Variants in NRXN1 observed in about 807,000 individuals in gnomAD.
The protein encoded by NRXN1 is neurexin-1.
Under a neutral mutation model 150.9 loss-of-function variants are expected in NRXN1, and 39 were observed. The ratio of observed to expected loss-of-function variants is 0.26; its 90% CI spans 0.20 to 0.34. The LOEUF (loss-of-function observed/expected upper bound fraction) is 0.34, where lower values mean the gene tolerates loss of function less well. Among genes scored for constraint, NRXN1 ranks in the 10% least tolerant of loss-of-function variants. The probability of loss-of-function intolerance (pLI) is 1.00; values close to 1 mark genes in which losing one functional copy is unlikely to be tolerated. For synonymous variants in NRXN1, 924 were observed against 757.0 expected, an observed-to-expected ratio of 1.22 and a Z score of -3.62; for missense variants, 1,815 against 1,949.9, an observed-to-expected ratio of 0.93 and a Z score of 1.30.
chr2:50,443,217 G>T (rs139131135), intron 17 of NRXN1, among the ~76,000 whole-genome samples: 6 of 152,244 alleles, frequency 3.9e-5, no homozygotes, highest in Admixed American at 1.3e-4. Flanking sequence ...CAATTCAAGG[G>T]GGGGAGAGAA....
intron 8 of NRXN1, among the ~76,000 whole-genome samples, chr2:50,560,459 T>TATGTATTTATTTATTG: frequency 6.7e-6 from 1 of 150,188 alleles, no homozygotes; most frequent in East Asian, 2.0e-4. Context: ...TTTATTTACT[T>TATGTATTTATTTATTG]AGAAGCCGTC....
intron 22 of NRXN1, among the ~76,000 whole-genome samples, chr2:49,932,669 T>C (rs2104219834): frequency 6.6e-6 from 1 of 152,304 alleles, no homozygotes; most frequent in Non-Finnish European, 1.5e-5. Flanking sequence ...TTAACATTAC[T>C]CAATTGTCAA....
intron 5 of NRXN1, among the ~76,000 whole-genome samples, chr2:50,904,430 T>C (rs760468498): frequency 3.9e-5 from 6 of 152,222 alleles, no homozygotes; most frequent in African/African-American, 1.4e-4. Context: ...AAGTTCATAT[T>C]TGGGAACATA....
At chr2:50,929,154 A>G (rs1458782033) in intron 2 of NRXN1, among the ~76,000 whole-genome samples, 1 of 152,046 alleles carries the variant, frequency 6.6e-6, no homozygotes, top group Non-Finnish European at 1.5e-5. Flanking sequence ...CCCCCAGCTT[A>G]TAAGAATGCA....
At chr2:50,899,180 T>A (rs1682515332) in intron 5 of NRXN1, among the ~76,000 whole-genome samples, 1 of 152,152 alleles carries the variant, frequency 6.6e-6, no homozygotes, top group Non-Finnish European at 1.5e-5. Flanking sequence ...TTCACTTACT[T>A]CCAAGCTCAC....
chr2:50,905,270 T>A (rs1683508608), intron 5 of NRXN1, among the ~76,000 whole-genome samples: 2 of 152,192 alleles, frequency 1.3e-5, no homozygotes, highest in Admixed American at 1.3e-4. Flanking sequence ...GCAGCATCCA[T>A]CCCCAACCCT....
chr2:50,262,443 G>A (rs1451829125), intron 17 of NRXN1, among the ~76,000 whole-genome samples: 1 of 151,854 alleles, frequency 6.6e-6, no homozygotes, highest in Non-Finnish European at 1.5e-5. Context: ...ACCTAGTTAT[G>A]TAATTACTGA....
intron 5 of NRXN1, among the ~76,000 whole-genome samples, chr2:50,863,992 G>A (rs1676513335): frequency 6.6e-6 from 1 of 152,012 alleles, no homozygotes; most frequent in African/African-American, 2.4e-5. Context: ...GCTGGGTGTA[G>A]AGGACACCTG....
intron 17 of NRXN1, among the ~76,000 whole-genome samples, chr2:50,403,504 T>C (rs892906992): frequency 1.3e-5 from 2 of 152,136 alleles, no homozygotes; most frequent in Admixed American, 1.3e-4. Flanking sequence ...AATACATCAG[T>C]TGTTATCTAG....
intron 15 of NRXN1, among the ~76,000 whole-genome samples, chr2:50,474,123 G>T (rs2089765448): frequency 6.6e-6 from 1 of 151,846 alleles, no homozygotes; most frequent in Non-Finnish European, 1.5e-5. Context: ...TGGTCAGAGA[G>T]GGGATACTAT....
rs201316026 is a variant in NRXN1, at chr2:50,347,238, C to T, written c.3365-110268G>A. The T allele has an allele frequency of 2.3e-6, 3 of 1,328,134 alleles. No homozygotes were observed. The highest frequency in any genetic ancestry group is 2.0e-4 in the Middle Eastern group (1 of 4,896). The allele number at this position is 1,328,134 out of a possible 1,614,324, so 82.3% of individuals were successfully genotyped here. On this transcript the variant is annotated intron_variant, in intron 17 of 22. Coordinates refer to ENST00000401669, the MANE Select transcript of NRXN1 (RefSeq NM_001330078.2). The surrounding 1 kb of genome is among the most constrained non-coding windows in gnomAD (Gnocchi z 4.9). ...AGCAAGCGCGGAGCGGGTGGCTGCT[C>T]CCAGATTTCCAGGGCTCCAGGTTCT...
chr2:50,288,452 G>A (rs577130931), intron 17 of NRXN1, among the ~76,000 whole-genome samples: 25 of 152,228 alleles, frequency 1.6e-4, no homozygotes, highest in African/African-American at 4.8e-4. Context: ...CTTAAAGGGA[G>A]ATAAAAATGA....
chr2:50,083,574 C>A (rs776277493), intron 19 of NRXN1, among the ~76,000 whole-genome samples: 1 of 152,146 alleles, frequency 6.6e-6, no homozygotes, highest in Admixed American at 6.5e-5. Context: ...AAGAACAAGG[C>A]TTCCACAACA....
intron 17 of NRXN1, among the ~76,000 whole-genome samples, chr2:50,340,964 G>C (rs1375002046): frequency 1.3e-5 from 2 of 152,130 alleles, no homozygotes; most frequent in South Asian, 4.1e-4. Flanking sequence ...TCTTCTCAAA[G>C]ACCAAGCCTC....
intron 18 of NRXN1, among the ~76,000 whole-genome samples, chr2:50,234,360 G>A (rs983316311): frequency 6.6e-6 from 1 of 152,028 alleles, no homozygotes; most frequent in Non-Finnish European, 1.5e-5. Flanking sequence ...TGGGCGTGGT[G>A]GTGGGCACCT....
chr2:50,347,044 G>A lies in NRXN1; in HGVS notation c.3365-110074C>T, dbSNP rs1172569277. On this transcript the variant is annotated intron_variant, in intron 17 of 22. Coordinates refer to ENST00000401669, the MANE Select transcript of NRXN1 (RefSeq NM_001330078.2). The surrounding 1 kb of genome is among the most constrained non-coding windows in gnomAD (Gnocchi z 4.9). ...CAGGGGAGCGGGCGGCGCGGAGTGG[G>A]CTGAGGGGCCGGCCGCCTCACCGCG... 2 of 1,380,370 alleles carry A rather than the reference G, an allele frequency of 1.4e-6. No individual in the cohort carries two copies. The highest frequency in any genetic ancestry group is 2.2e-5 in the Admixed American group (1 of 44,502). 85.5% of individuals were successfully genotyped at this position (1,380,370 alleles called of 1,614,324 possible).
chr2:50,580,593 G>A (rs982976211), intron 8 of NRXN1, among the ~76,000 whole-genome samples: 1 of 152,170 alleles, frequency 6.6e-6, no homozygotes, highest in African/African-American at 2.4e-5. Flanking sequence ...AGAGAGCTAC[G>A]TATGAACAAG....
intron 2 of NRXN1, among the ~76,000 whole-genome samples, chr2:50,993,427 TTTTTC>T (rs1340992501): frequency 1.3e-5 from 2 of 151,914 alleles, no homozygotes; most frequent in African/African-American, 4.8e-5. Context: ...TTCTCAGATA[TTTTTC>T]TTTTATGTTT....
In NRXN1 at chr2:50,489,256, C is replaced by A. The variant is rs555427364; in HGVS notation, c.3070+6649G>T. On this transcript the variant is annotated intron_variant, in intron 15 of 22. Coordinates refer to ENST00000401669, the MANE Select transcript of NRXN1 (RefSeq NM_001330078.2). Reference sequence around the variant, plus strand: ...AGCTAGTGTGCTGGGTGAGAAGAAACCAGCCCCAGGGCTTTATGCATCTGC... The same window carrying A: ...AGCTAGTGTGCTGGGTGAGAAGAAAACAGCCCCAGGGCTTTATGCATCTGC... Among the ~76,000 whole-genome samples the A allele has an allele frequency of 3.9e-5, 6 of 152,278 alleles. No individual in the cohort carries two copies. The South Asian group carries it at 1.0e-3, about 26-fold the overall frequency.
Sources: gnomAD v4.1 joint callset for allele counts (sites outside exome capture counted in the v4.1 genomes callset) on GRCh38, gnomAD v4.1.1 for gene constraint, Gnocchi (gnomAD v3.1) non-coding constraint, MANE v1.5 for transcripts, NCBI Gene and HGNC (gene_info 2026-07-23, HGNC 2026-07-21) for gene names.